MYH14: variants seen among roughly 807,000 people sequenced by gnomAD.
MYH14 encodes the protein myosin heavy chain 14, also known as myosin-14.
Under a neutral mutation model 255.5 loss-of-function variants are expected in MYH14, and 123 were observed. The ratio of observed to expected loss-of-function variants is 0.48; its 90% confidence interval spans 0.42 to 0.56. The LOEUF is 0.56. Ranked by LOEUF, MYH14 falls within the 20% of genes least tolerant of loss-of-function variation. The pLI is 0.00. For synonymous variants in MYH14, 1,095 were observed against 1,161.2 expected (o/e 0.94, Z 1.16); for missense variants, 2,423 against 2,802.3 (o/e 0.86, Z 3.06).
chr19:50,304,175 T>A (rs951421296), intron 40 of MYH14, among the ~76,000 whole-genome samples: 1 of 152,254 alleles, frequency 6.6e-6, no homozygotes, highest in Non-Finnish European at 1.5e-5. Context: ...AAATGTAGGA[T>A]ACTTGACTTG....
At chr19:50,254,599 C>T (rs2034524175) in intron 16 of MYH14, among the ~76,000 whole-genome samples, 1 of 152,166 alleles carries the variant, frequency 6.6e-6, no homozygotes, top group Non-Finnish European at 1.5e-5. Context: ...GGCTCAGCCT[C>T]CCGAGTAGCT....
intron 16 of MYH14, among the ~76,000 whole-genome samples, chr19:50,253,756 GC>G (rs1245387539): frequency 6.6e-6 from 1 of 152,138 alleles, no homozygotes; most frequent in South Asian, 2.1e-4. Context: ...CACTGCCCCT[GC>G]CCCCCCATCC....
At chr19:50,265,498 G>T (rs2035052377) in intron 22 of MYH14, among the ~76,000 whole-genome samples, 1 of 152,096 alleles carries the variant, frequency 6.6e-6, no homozygotes, top group South Asian at 2.1e-4. Flanking sequence ...GGTGACAAGA[G>T]TGAGACCCTG....
At chr19:50,257,624 T>C in intron 18 of MYH14, 138 bp downstream of exon 18, 1 of 862,980 alleles carries the variant, frequency 1.2e-6, no homozygotes, top group Non-Finnish European at 1.9e-6. Flanking sequence ...CTTCTATTCC[T>C]AGGCTCAGGG....
intron 24 of MYH14, among the ~76,000 whole-genome samples, chr19:50,270,476 G>A (rs1241009500): frequency 4.9e-5 from 7 of 142,938 alleles, no homozygotes; most frequent in Middle Eastern, 3.8e-3. Flanking sequence ...AGCCAAGACT[G>A]CACCATTGCA....
intron 33 of MYH14, 76 bp from the exon 34 acceptor site, chr19:50,286,406 C>A: frequency 7.4e-7 from 1 of 1,348,436 alleles, no homozygotes; most frequent in Non-Finnish European, 1.0e-6. Context: ...TTCCTGGCTG[C>A]TCCCTCTTCC....
chr19:50,292,827 C>G (rs1342947783), intron 37 of MYH14, among the ~76,000 whole-genome samples: 2 of 151,292 alleles, frequency 1.3e-5, no homozygotes, highest in African/African-American at 4.9e-5. Context: ...GAGAGAGAAC[C>G]CTGAGCCAGG....
At chr19:50,251,500 CACACAT>C (rs1568500234) in intron 15 of MYH14, among the ~76,000 whole-genome samples, 38 of 135,926 alleles carry the variant, frequency 2.8e-4, no homozygotes, top group East Asian at 6.5e-4. Flanking sequence ...TATATATATA[CACACAT>C]ATATATATAC....
At position 50,247,094 on chromosome 19, in the gene MYH14, A is replaced by T. The variant is rs556541366; in HGVS notation, c.1301A>T (p.Tyr434Phe). The T allele has an allele frequency of 6.2e-7, 1 of 1,613,440 alleles. No homozygotes were observed. The highest frequency in any genetic ancestry group is 1.1e-5 in the South Asian group (1 of 90,908). Reference protein sequence around the residue: ...LTPRIKVGRDYVQKAQTKEQA... With the variant: ...LTPRIKVGRDFVQKAQTKEQA... ...CCTCGCATCAAAGTTGGCCGAGACTATGTGCAGAAAGCCCAGACTAAGGAA... is the reference window on the plus strand; with the variant it reads ...CCTCGCATCAAAGTTGGCCGAGACTTTGTGCAGAAAGCCCAGACTAAGGAA... Residue 434 changes from tyrosine to phenylalanine, a missense_variant, in exon 12 of 43, where the codon TAT becomes TTT. Coordinates refer to ENST00000642316, the MANE Select transcript of MYH14 (RefSeq NM_001145809.2).
At chr19:50,263,218 CAAAG>C (rs1223326526) in intron 21 of MYH14, 90 bp from the exon 22 acceptor site, 3 of 844,170 alleles carry the variant, frequency 3.6e-6, no homozygotes, top group Non-Finnish European at 3.5e-6. Flanking sequence ...AACAAACAAA[CAAAG>C]AAAATAAATA....
Position 50,250,636 on chromosome 19 carries a change from C to T in MYH14, c.1778C>T (p.Pro593Leu), listed in dbSNP as rs542322341. The T allele has an allele frequency of 3.1e-6, 5 of 1,613,958 alleles. No homozygotes were observed. The highest frequency in any genetic ancestry group is 2.2e-5 in the East Asian group (1 of 44,878). ...EQGGHPKFQR[P>L]RHLRDQADFS... ...GGCGGCCACCCCAAGTTCCAGCGGC[C>T]GAGGCACCTGCGGGATCAGGCCGAC... The change falls in exon 15 of 43, where the codon CCG becomes CTG. Residue 593 changes from proline to leucine, a missense_variant. Physicochemically the swap from Pro to Leu is moderately conservative, Grantham distance 98 (BLOSUM62 -3). This residue lies in a region of MYH14 where 672 missense variants were observed against 881.8 expected (regional missense o/e 0.76). Coordinates refer to ENST00000642316, the MANE Select transcript of MYH14 (RefSeq NM_001145809.2). The surrounding 1 kb of genome is among the most constrained non-coding windows in gnomAD (Gnocchi z 5.4).
intron 34 of MYH14, 49 bp from the exon 35 acceptor site, chr19:50,289,387 C>T (rs1308904150): frequency 2.0e-6 from 3 of 1,496,016 alleles, no homozygotes; most frequent in East Asian, 2.4e-5. Flanking sequence ...GGCTCCTAAC[C>T]TCCTCTGCCT....
intron 10 of MYH14, among the ~76,000 whole-genome samples, chr19:50,239,288 C>G (rs678360): frequency 0.97 from 147,969 of 152,360 alleles, 71,873 homozygotes; most frequent in East Asian, 1. Flanking sequence ...CGAAGTGCTG[C>G]GATTACAGGC....
At chr19:50,261,866 G>T (rs959875669) in intron 21 of MYH14, among the ~76,000 whole-genome samples, 1 of 152,108 alleles carries the variant, frequency 6.6e-6, no homozygotes, top group Non-Finnish European at 1.5e-5. Flanking sequence ...GGACTTAGCC[G>T]CAGGGTGACC....
rs1322220681 is a variant in MYH14, at chr19:50,286,398, C to A, written c.4540-84C>A. On this transcript the variant is annotated intron_variant, in intron 33 of 42. Transcript: ENST00000642316. ...GTCTCTTTCTCTCTCTTTCTCTGTT[C>A]CTGGCTGCTCCCTCTTCCCGTTCCC... The A allele has an allele frequency of 3.1e-6, 4 of 1,281,600 alleles. No homozygotes were observed. In the Admixed American group the frequency reaches 7.0e-5, roughly 22 times the overall value. 79.4% of individuals were successfully genotyped at this position (1,281,600 alleles called of 1,614,324 possible).
At chr19:50,237,512 G>A (rs1191764686) in intron 10 of MYH14, among the ~76,000 whole-genome samples, 1 of 152,100 alleles carries the variant, frequency 6.6e-6, no homozygotes, top group South Asian at 2.1e-4. Flanking sequence ...ATTTTTAGTA[G>A]AGGCAGGGTT....
intron 10 of MYH14, among the ~76,000 whole-genome samples, chr19:50,243,424 G>A (rs1056439323): frequency 6.6e-6 from 1 of 151,830 alleles, no homozygotes; most frequent in Admixed American, 6.6e-5. Flanking sequence ...TGACAAGAAT[G>A]AGACTCCGTC....
chr19:50,225,795 T>C, intron 7 of MYH14, 118 bp downstream of exon 7: 3 of 455,456 alleles, frequency 6.6e-6, no homozygotes, highest in Admixed American at 3.1e-5. Flanking sequence ...GCTGGGGGTC[T>C]GGACTCTTGA....
intron 8 of MYH14, among the ~76,000 whole-genome samples, chr19:50,228,243 G>A (rs1237135656): frequency 1.3e-5 from 2 of 149,292 alleles, no homozygotes; most frequent in Non-Finnish European, 1.5e-5. Flanking sequence ...CCGAGATCAC[G>A]CCACTGCACT....
Sources: allele counts gnomAD v4.1 joint callset (sites outside exome capture counted in the v4.1 genomes callset), GRCh38; gene constraint gnomAD v4.1.1; regional missense constraint gnomAD v4.1.1; non-coding constraint Gnocchi (gnomAD v3.1); transcripts MANE v1.5; gene names NCBI Gene and HGNC (gene_info 2026-07-23, HGNC 2026-07-21).